Variants in IL2RB observed in about 807,000 individuals in gnomAD.
IL2RB encodes the protein interleukin 2 receptor subunit beta, also known as interleukin-2 receptor subunit beta.
In IL2RB, 17 loss-of-function variants were observed where a neutral mutation model predicts 44.2. That is an observed-to-expected ratio of 0.38 (90% CI 0.26 to 0.58). IL2RB has a LOEUF of 0.58. IL2RB is among the 20% of genes least tolerant of loss of function. IL2RB has a pLI of 0.63. For missense variants in IL2RB, 624 were observed against 685.5 expected, an observed-to-expected ratio of 0.91 and a Z score of 1.00; for synonymous variants, 286 against 297.9, an observed-to-expected ratio of 0.96 and a Z score of 0.41.
intron 9 of IL2RB, among the ~76,000 whole-genome samples, 186 bp from the exon 10 acceptor site, chr22:37,129,034 C>G (rs1445795360): frequency 6.6e-6 from 1 of 152,214 alleles, no homozygotes; most frequent in East Asian, 1.9e-4. Flanking sequence ...GCTTGGGGGC[C>G]CTCTGGGCCA....
At position 37,128,054 on chromosome 22, in the gene IL2RB, C is replaced by T. The variant is rs774939961; in HGVS notation, c.*42G>A. On this transcript the variant is annotated 3_prime_UTR_variant, in exon 10 of 10. Transcript: ENST00000216223. The surrounding 1 kb of genome is among the most constrained non-coding windows in gnomAD (Gnocchi z 4.5). ...TCAACAGGGTCCTTCTGAGGCTCGG[C>T]GCAGAGCAGGCAGCTGCCTGCCTCC... The T allele has an allele frequency of 1.6e-5, 23 of 1,461,032 alleles. No individual in the cohort carries two copies. The highest frequency in any genetic ancestry group is 1.6e-5 in the Non-Finnish European group (18 of 1,107,770). 90.5% of individuals were successfully genotyped at this position (1,461,032 alleles called of 1,614,324 possible). A position where few individuals can be genotyped will look rare whatever the true frequency, so the allele number is the denominator to read the frequency against.
At chr22:37,171,511 G>A (rs1487882396) in intron 1 of IL2RB, among the ~76,000 whole-genome samples, 1 of 152,204 alleles carries the variant, frequency 6.6e-6, no homozygotes, top group African/African-American at 2.4e-5. Context: ...ATGGGAGACA[G>A]AGAATCAGGA....
At chr22:37,160,679 C>CAAAAAAAAAAAAAA (rs10605445) in intron 1 of IL2RB, among the ~76,000 whole-genome samples, 34 of 136,022 alleles carry the variant, frequency 2.5e-4, no homozygotes, top group African/African-American at 9.3e-4. Context: ...CTGTCTATGC[C>CAAAAAAAAAAAAAA]AAAAAAAAAA....
chr22:37,157,838 G>T (rs1922732371), intron 1 of IL2RB, among the ~76,000 whole-genome samples: 1 of 152,136 alleles, frequency 6.6e-6, no homozygotes, highest in Non-Finnish European at 1.5e-5. Context: ...CTGACATACG[G>T]ACAGTGTCAA....
chr22:37,143,758 G>T (rs1052486980), intron 2 of IL2RB, 123 bp from the exon 3 acceptor site: 1 of 727,196 alleles, frequency 1.4e-6, no homozygotes, highest in African/African-American at 1.8e-5. Flanking sequence ...ACTCTGGCAA[G>T]CGGAGAAGGG....
chr22:37,164,423 A>C lies in IL2RB; in HGVS notation c.-34+10535T>G, dbSNP rs1444746511. 7.1e-5 allele frequency among the ~76,000 whole-genome samples: 10 copies of C among 141,624 alleles called. No individual in the cohort carries two copies. In the East Asian group the frequency reaches 2.1e-3, roughly 30 times the overall value. 92.9% of individuals were successfully genotyped at this position (141,624 alleles called of 152,430 possible). On this transcript the variant is annotated intron_variant, in intron 1 of 5. Transcript: ENST00000429622. ...GAGGTGCTGCTGACACTCTGGCTGAAGTCATCTGTGCCGTTCCTGCATGAA... is the reference window on the plus strand; with the variant it reads ...GAGGTGCTGCTGACACTCTGGCTGACGTCATCTGTGCCGTTCCTGCATGAA...
At chr22:37,132,551 G>T in intron 8 of IL2RB, 83 bp from the exon 9 acceptor site, 1 of 954,548 alleles carries the variant, frequency 1.0e-6, no homozygotes, top group Non-Finnish European at 1.7e-6. Flanking sequence ...AGCTCTGGAT[G>T]CCAGGCACGG....
At chr22:37,152,573 CT>C (rs1184516384), upstream of IL2RB, among the ~76,000 whole-genome samples, 2 of 152,096 alleles carry the variant, frequency 1.3e-5, no homozygotes, top group Admixed American at 1.3e-4. Context: ...TTTCTCTTGT[CT>C]GTTTGTTCTA....
At chr22:37,146,204 C>T (rs554428563) in intron 1 of IL2RB, among the ~76,000 whole-genome samples, 6 of 152,292 alleles carry the variant, frequency 3.9e-5, no homozygotes, top group African/African-American at 9.6e-5. Flanking sequence ...AGGCCAGCCT[C>T]GTGCCGTTCC....
Position 37,134,704 on chromosome 22 carries a change from C to T in IL2RB, c.818+624G>A, listed in dbSNP as rs552845485. Among the ~76,000 whole-genome samples, 309 of 152,306 alleles carry T rather than the reference C, an allele frequency of 2.0e-3. 1 individual carries two copies. Among genetic ancestry groups the T allele is most frequent in the African/African-American group, 7.1e-3 (294 of 41,562 alleles). Reference sequence around the variant, plus strand: ...GTAGGGAGGGTCCTGGAACTGGTTTCCATGGATCCTAAGGAATGGCAATAC... The same window carrying T: ...GTAGGGAGGGTCCTGGAACTGGTTTTCATGGATCCTAAGGAATGGCAATAC... On this transcript the variant is annotated intron_variant, in intron 8 of 9. Coordinates refer to ENST00000216223, the MANE Select transcript of IL2RB (RefSeq NM_000878.5).
Position 37,164,570 on chromosome 22 carries a change from G to A in IL2RB, c.-34+10388C>T, listed in dbSNP as rs979068337. On this transcript the variant is annotated intron_variant, in intron 1 of 5. Coordinates refer to the IL2RB transcript ENST00000429622. ...GCTCACACCAAGCCTGGACATTCAGGTGAGTGGGCCGGGCAAGCCACCTCT... is the reference window on the plus strand; with the variant it reads ...GCTCACACCAAGCCTGGACATTCAGATGAGTGGGCCGGGCAAGCCACCTCT... Among the ~76,000 whole-genome samples, 4 of 152,038 alleles carry A rather than the reference G, an allele frequency of 2.6e-5. No homozygotes were observed. In the East Asian group the frequency reaches 7.7e-4, roughly 29 times the overall value.
intron 1 of IL2RB, among the ~76,000 whole-genome samples, chr22:37,159,448 C>A (rs970275458): frequency 6.6e-6 from 1 of 152,002 alleles, no homozygotes; most frequent in Admixed American, 6.5e-5. Context: ...AACAGGGGAC[C>A]CTGAACTCCT....
At chr22:37,160,855 C>G (rs925501367) in intron 1 of IL2RB, among the ~76,000 whole-genome samples, 1 of 151,344 alleles carries the variant, frequency 6.6e-6, no homozygotes, top group African/African-American at 2.4e-5. Flanking sequence ...AAAAAACAAA[C>G]AAAAGACTGG....
chr22:37,174,026 A>G (rs1923371652), intron 1 of IL2RB, among the ~76,000 whole-genome samples: 1 of 151,856 alleles, frequency 6.6e-6, no homozygotes, highest in South Asian at 2.1e-4. Flanking sequence ...CCCCACCCCA[A>G]CCTGTGAGTG....
intron 4 of IL2RB, among the ~76,000 whole-genome samples, chr22:37,140,027 C>T (rs1483571121): frequency 6.6e-6 from 1 of 152,222 alleles, no homozygotes; most frequent in Non-Finnish European, 1.5e-5. Flanking sequence ...CACTGTGCAG[C>T]TGCCAACCCT....
chr22:37,131,970 G>A (rs1390356504), intron 9 of IL2RB, among the ~76,000 whole-genome samples: 6 of 152,088 alleles, frequency 3.9e-5, no homozygotes, highest in Admixed American at 1.3e-4. Context: ...TCCTGACCTC[G>A]TGATCTACCT....
rs1402373718 is a variant in IL2RB, at chr22:37,136,469, C to G, written c.538-76G>C. On this transcript the variant is annotated intron_variant, in intron 6 of 9. Coordinates refer to ENST00000216223, the MANE Select transcript of IL2RB (RefSeq NM_000878.5). ...CCAGGAGGCTGAGCATCACAGAACC[C>G]CCCCCCAACCCCTGCCAGCTGCACC... is the stretch of plus-strand genomic sequence containing the variant. 1.2e-5 allele frequency: 17 copies of G among 1,440,912 alleles called. 1 individual carries two copies. The highest frequency in any genetic ancestry group is 1.2e-4 in the South Asian group (9 of 76,324). 89.3% of individuals were successfully genotyped at this position (1,440,912 alleles called of 1,614,324 possible).
chr22:37,153,521 G>A (rs1440328190), upstream of IL2RB, among the ~76,000 whole-genome samples: 2 of 152,212 alleles, frequency 1.3e-5, no homozygotes, highest in African/African-American at 4.8e-5. Context: ...ACGCACTGCA[G>A]GCTTGCTGTA....
At chr22:37,136,113 A>T in intron 7 of IL2RB, 115 bp downstream of exon 7, 1 of 1,132,246 alleles carries the variant, frequency 8.8e-7, no homozygotes, top group Non-Finnish European at 1.2e-6. Context: ...ACAGCAAGTG[A>T]GGGATGGAGC....
Sources: allele counts gnomAD v4.1 joint callset (sites outside exome capture counted in the v4.1 genomes callset), GRCh38; gene constraint gnomAD v4.1.1; non-coding constraint Gnocchi (gnomAD v3.1); transcripts MANE v1.5; gene names NCBI Gene and HGNC (gene_info 2026-07-23, HGNC 2026-07-21).